UNC5B: variants seen among roughly 807,000 people sequenced by gnomAD.
The protein encoded by UNC5B is netrin receptor UNC5B.
In UNC5B, 56 loss-of-function variants were observed where a neutral mutation model predicts 103.7. The observed-to-expected ratio is 0.54, with a 90% CI of 0.44 to 0.67. The LOEUF (loss-of-function observed/expected upper bound fraction) is 0.67. Ranked by LOEUF, UNC5B falls within the 30% of genes least tolerant of loss-of-function variation. UNC5B has a pLI of 0.00. For missense variants in UNC5B, 1,194 were observed against 1,284.5 expected (o/e 0.93, Z 1.08); for synonymous variants, 577 against 542.0 (o/e 1.06, Z -0.90).
At chr10:71,251,233 C>T (rs189959361) in intron 1 of UNC5B, among the ~76,000 whole-genome samples, 6 of 152,280 alleles carry the variant, frequency 3.9e-5, no homozygotes, top group Non-Finnish European at 7.4e-5. Context: ...GTTTCCCTGT[C>T]AGAGGTCAGG....
intron 2 of UNC5B, among the ~76,000 whole-genome samples, chr10:71,283,294 T>C (rs796335162): frequency 3.9e-5 from 6 of 152,346 alleles, no homozygotes; most frequent in African/African-American, 1.4e-4. Flanking sequence ...GAGATCCAGA[T>C]GACCTGCCAG....
Position 71,296,649 on chromosome 10 carries a change from C to T in UNC5B, c.2397C>T (p.His799=). 2 of 1,614,086 alleles carry T rather than the reference C, an allele frequency of 1.2e-6. No homozygotes were observed. The highest frequency in any genetic ancestry group is 1.7e-6 in the Non-Finnish European group (2 of 1,180,032). ...ALHCTFTLER[H]SLASTELTCK... is the part of the protein sequence containing the mutation. ...ACTGCACTTTCACCCTGGAGAGGCA[C>T]AGCTTGGCCTCCACAGAGCTCACCT... The change falls in exon 15 of 17, where the codon CAC becomes CAT. Residue 799 remains histidine, a synonymous_variant. Coordinates refer to ENST00000335350, the MANE Select transcript of UNC5B (RefSeq NM_170744.5).
intron 1 of UNC5B, among the ~76,000 whole-genome samples, chr10:71,258,353 C>T (rs1264359652): frequency 1.3e-5 from 2 of 152,194 alleles, no homozygotes; most frequent in Admixed American, 6.5e-5. Context: ...TGCCCACCTG[C>T]TGGCCAAGTC....
chr10:71,284,638 C>T (rs1303454272), intron 2 of UNC5B, 82 bp from the exon 3 acceptor site: 3 of 1,587,608 alleles, frequency 1.9e-6, no homozygotes, highest in South Asian at 2.2e-5. Context: ...CAGCAGGATC[C>T]GAGGTGGAAG....
rs1026811858 is a variant in UNC5B at position 71,280,019 on chromosome 10, C to A, written c.278C>A (p.Thr93Lys). 9 of 1,613,940 alleles carry A rather than the reference C, an allele frequency of 5.6e-6. No individual in the cohort carries two copies. The African/African-American group carries it at 1.1e-4, about 19-fold the overall frequency. The change falls in exon 2 of 17, where the codon ACA becomes AAA. Residue 93 changes from threonine to lysine, a missense_variant. Thr to Lys is a moderately conservative substitution (Grantham distance 78). Coordinates refer to ENST00000335350, the MANE Select transcript of UNC5B (RefSeq NM_170744.5). ...GEWVSQNDHV[T>K]QEGLDEATGL... ...TGGGTCAGCCAGAACGACCACGTCA[C>A]ACAGGAAGGCCTGGATGAGGCCACC... is the stretch of plus-strand genomic sequence containing the variant.
At chr10:71,280,273 T>C (rs1014158021) in intron 2 of UNC5B, among the ~76,000 whole-genome samples, 5 of 152,222 alleles carry the variant, frequency 3.3e-5, no homozygotes, top group African/African-American at 1.2e-4. Flanking sequence ...TTTCTGCTTC[T>C]GTTAGGGAGC....
In UNC5B at chr10:71,285,377, A is replaced by G. The variant is rs774876262; in HGVS notation, c.500A>G (p.Asp167Gly). The G allele has an allele frequency of 6.2e-7, 1 of 1,611,210 alleles. No individual in the cohort carries two copies. Among genetic ancestry groups the G allele is most frequent in the East Asian group, 2.2e-5 (1 of 44,782 alleles). The change falls in exon 4 of 17, where the codon GAC (aspartate) becomes GGC (glycine). Residue 167 changes from aspartate to glycine, a missense_variant. By Grantham distance (94) the Asp-to-Gly change is moderately conservative. Coordinates refer to ENST00000335350, the MANE Select transcript of UNC5B (RefSeq NM_170744.5). ...CCTCTGGGCAAGGAGGTGCCCCTGG[A>G]CCATGAGGTTCTCCTGCAGTGCCGC... The part of the protein sequence containing the change: ...QEPLGKEVPL[D>G]HEVLLQCRPP...
chr10:71,213,057 C>A lies in UNC5B; in HGVS notation c.72C>A (p.Ser24Arg). 1 of 1,397,782 alleles carries A rather than the reference C, an allele frequency of 7.2e-7. No individual in the cohort carries two copies. Among genetic ancestry groups the A allele is most frequent in the Non-Finnish European group, 9.4e-7 (1 of 1,068,910 alleles). 86.6% of individuals were successfully genotyped at this position (1,397,782 alleles called of 1,614,324 possible). The change falls in exon 1 of 17, where the codon AGC (serine) becomes AGA (arginine). Residue 24 changes from serine (S) to arginine (R), a missense_variant. Coordinates refer to ENST00000335350, the MANE Select transcript of UNC5B (RefSeq NM_170744.5). This position sits in a 1 kb window ranked among gnomAD's most constrained non-coding sequence, Gnocchi z 4.1. The stretch of plus-strand genomic sequence containing the variant: ...TGCTCTGCTGGGACCCGAGGCTGAG[C>A]CAAGCAGGTAGGAAGCGATCGGGTC... ...ALLLCWDPRLSQAGTDSGSEV... is the reference protein window; with the variant it reads ...ALLLCWDPRLRQAGTDSGSEV...
intron 1 of UNC5B, among the ~76,000 whole-genome samples, chr10:71,228,376 A>C (rs965624264): frequency 2.0e-5 from 3 of 150,422 alleles, no homozygotes; most frequent in Admixed American, 1.3e-4. Context: ...ACATTTTTAA[A>C]TTTTCGACAA....
chr10:71,238,500 TCTCA>T (rs1233074617), intron 1 of UNC5B, among the ~76,000 whole-genome samples: 1 of 152,166 alleles, frequency 6.6e-6, no homozygotes, highest in African/African-American at 2.4e-5. Flanking sequence ...TTTTTTTTAG[TCTCA>T]CTCTGTCACC....
chr10:71,233,752 G>A (rs1311098693), intron 1 of UNC5B, among the ~76,000 whole-genome samples: 2 of 152,256 alleles, frequency 1.3e-5, no homozygotes, highest in Non-Finnish European at 2.9e-5. Context: ...GGGCACAGGG[G>A]AGTGTGCCTT....
At chr10:71,279,012 G>T (rs1456194058) in intron 1 of UNC5B, among the ~76,000 whole-genome samples, 1 of 152,218 alleles carries the variant, frequency 6.6e-6, no homozygotes. Flanking sequence ...TCTTTCCAGG[G>T]AGACGGTGGG....
rs1845536626 is a variant in UNC5B, at chr10:71,299,538, G to A, written c.*261G>A. 5.0e-6 allele frequency: 2 copies of A among 399,122 alleles called. No individual in the cohort carries two copies. Among genetic ancestry groups the A allele is most frequent in the Admixed American group, 7.7e-5 (2 of 26,100 alleles). 24.7% of individuals were successfully genotyped at this position (399,122 alleles called of 1,614,324 possible). A position where few individuals can be genotyped will look rare whatever the true frequency, so the allele number is the denominator to read the frequency against. On this transcript the variant is annotated 3_prime_UTR_variant, in exon 17 of 17. Coordinates refer to ENST00000335350, the MANE Select transcript of UNC5B (RefSeq NM_170744.5). ...AGATCTCTGTGCAGGAACCAAGATG[G>A]GGCTGAAGCCTCTGGAGGCAGTTGG... is the stretch of plus-strand genomic sequence containing the variant.
chr10:71,255,292 A>G (rs977260879), intron 1 of UNC5B, among the ~76,000 whole-genome samples: 3 of 152,198 alleles, frequency 2.0e-5, no homozygotes, highest in African/African-American at 7.2e-5. Flanking sequence ...GTAGAATTCT[A>G]GGTAAAAAGA....
Position 71,301,520 on chromosome 10 carries a change from T to G in UNC5B, c.*2243T>G, listed in dbSNP as rs917798574. 5.3e-5 allele frequency: 8 copies of G among 152,264 alleles called. No individual in the cohort carries two copies. Among genetic ancestry groups the G allele is most frequent in the Non-Finnish European group, 1.0e-4 (7 of 68,068 alleles). The allele number at this position is 152,264 out of a possible 1,614,324, so 9.4% of individuals were successfully genotyped here. On this transcript the variant is annotated 3_prime_UTR_variant, in exon 17 of 17. Coordinates refer to ENST00000335350, the MANE Select transcript of UNC5B (RefSeq NM_170744.5). ...AGGCAGTGAGCCTTCCCTGCCAAAG[T>G]GCCCATCCCATGGGCTCGGCCTCAC...
chr10:71,288,234 G>T (rs1845145055), intron 6 of UNC5B, among the ~76,000 whole-genome samples: 1 of 152,200 alleles, frequency 6.6e-6, no homozygotes, highest in South Asian at 2.1e-4. Context: ...TCTCTCCCTT[G>T]GGTTGTATGT....
chr10:71,286,801 A>T lies in UNC5B; in HGVS notation c.665A>T (p.Asn222Ile), dbSNP rs780422821. ...IRQARLSDTA[N>I]YTCVAKNIVA... ...CAGGCCCGCCTGTCGGACACTGCCA[A>T]CTATACCTGCGTGGCCAAGAACATC... Residue 222 changes from asparagine to isoleucine, a missense_variant, in exon 5 of 17, where the codon AAC becomes ATC. Physicochemically the swap from Asn to Ile is moderately radical, Grantham distance 149. Coordinates refer to ENST00000335350, the MANE Select transcript of UNC5B (RefSeq NM_170744.5). 6.2e-7 allele frequency: 1 copy of T among 1,614,164 alleles called. No homozygotes were observed. Among genetic ancestry groups the T allele is most frequent in the Non-Finnish European group, 8.5e-7 (1 of 1,180,042 alleles).
intron 1 of UNC5B, among the ~76,000 whole-genome samples, chr10:71,258,151 C>T (rs550153605): frequency 6.6e-6 from 1 of 152,238 alleles, no homozygotes; most frequent in Non-Finnish European, 1.5e-5. Context: ...ACAAAATCAC[C>T]TGCCTGAAGG....
Position 71,293,911 on chromosome 10 carries a change from A to G in UNC5B, c.2153A>G (p.Glu718Gly). The part of the protein sequence containing the change: ...LEYSLRVYCL[E>G]DTPVALKEVL... The stretch of plus-strand genomic sequence containing the variant: ...TACAGCCTCCGGGTCTACTGCCTGG[A>G]GGACACGCCTGTAGCACTGAAGGTA... The change falls in exon 13 of 17, where the codon GAG (glutamate) becomes GGG (glycine). Residue 718 changes from glutamate to glycine, a missense_variant. Physicochemically the swap from Glu to Gly is moderately conservative, Grantham distance 98. Coordinates refer to ENST00000335350, the MANE Select transcript of UNC5B (RefSeq NM_170744.5). 1 of 1,602,856 alleles carries G rather than the reference A, an allele frequency of 6.2e-7. No homozygotes were observed. Among genetic ancestry groups the G allele is most frequent in the East Asian group, 2.2e-5 (1 of 44,750 alleles).
Sources: gnomAD v4.1 joint callset for allele counts (sites outside exome capture counted in the v4.1 genomes callset) on GRCh38, gnomAD v4.1.1 for gene constraint, Gnocchi (gnomAD v3.1) non-coding constraint, MANE v1.5 for transcripts, NCBI Gene and HGNC (gene_info 2026-07-23, HGNC 2026-07-21) for gene names.